Variants in EXT1 observed in about 807,000 individuals in gnomAD.
EXT1 encodes exostosin glycosyltransferase 1.
EXT1 carries 20 observed loss-of-function variants against 82.5 expected under a neutral mutation model. The observed-to-expected ratio is 0.24, with a 90% CI of 0.17 to 0.35. EXT1 has a LOEUF of 0.35. EXT1 is among the 10% of genes least tolerant of loss of function. The pLI is 1.00. For missense variants in EXT1, 757 were observed against 936.5 expected (o/e 0.81, Z 2.50); for synonymous variants, 348 against 350.8 (o/e 0.99, Z 0.09).
At chr8:118,051,200 G>A (rs770674653) in intron 1 of EXT1, among the ~76,000 whole-genome samples, 12 of 152,018 alleles carry the variant, frequency 7.9e-5, no homozygotes, top group East Asian at 1.9e-4. Context: ...GACAGGGCAC[G>A]GTGGCATGCC....
intron 1 of EXT1, among the ~76,000 whole-genome samples, chr8:117,983,629 G>A (rs372261689): frequency 6.6e-6 from 1 of 152,044 alleles, no homozygotes; most frequent in African/African-American, 2.4e-5. Flanking sequence ...ACAAAATAGA[G>A]GCAATCCTAC....
intron 1 of EXT1, among the ~76,000 whole-genome samples, chr8:117,872,229 A>G (rs1210928387): frequency 6.6e-6 from 1 of 152,136 alleles, no homozygotes; most frequent in Non-Finnish European, 1.5e-5. Flanking sequence ...CTGTTTTCCT[A>G]GGGTGGATGA....
intron 4 of EXT1, among the ~76,000 whole-genome samples, chr8:117,822,984 G>A (rs1409676693): frequency 1.3e-5 from 2 of 152,120 alleles, no homozygotes; most frequent in Non-Finnish European, 2.9e-5. Context: ...TGTTCTCAGA[G>A]AACAAGAGAG....
intron 1 of EXT1, among the ~76,000 whole-genome samples, chr8:117,894,122 CCTGA>C (rs1402012822): frequency 6.6e-6 from 1 of 152,104 alleles, no homozygotes; most frequent in Non-Finnish European, 1.5e-5. Context: ...TGCAATAGTT[CCTGA>C]CTAAAATCTG....
intron 1 of EXT1, among the ~76,000 whole-genome samples, chr8:117,968,928 C>T (rs1278578008): frequency 6.6e-6 from 1 of 152,182 alleles, no homozygotes; most frequent in Non-Finnish European, 1.5e-5. Context: ...GTATACAGCT[C>T]TGTCTCTTCC....
At chr8:117,878,431 G>A (rs539383196) in intron 1 of EXT1, among the ~76,000 whole-genome samples, 3 of 152,146 alleles carry the variant, frequency 2.0e-5, no homozygotes, top group African/African-American at 7.2e-5. Context: ...ACATTTCATC[G>A]ACCAAATATT....
intron 1 of EXT1, among the ~76,000 whole-genome samples, chr8:118,086,658 C>T (rs1817424004): frequency 6.6e-6 from 1 of 152,104 alleles, no homozygotes; most frequent in African/African-American, 2.4e-5. Flanking sequence ...AACCGAGAAT[C>T]TTGGTCTATT....
chr8:117,990,251 T>C (rs1398455216), intron 1 of EXT1, among the ~76,000 whole-genome samples: 1 of 152,228 alleles, frequency 6.6e-6, no homozygotes, highest in Non-Finnish European at 1.5e-5. Flanking sequence ...CTTCCTGCCC[T>C]TGAAGACAGA....
chr8:117,973,849 AG>A lies in EXT1; in HGVS notation c.962+136235del, dbSNP rs1332762031. On this transcript the variant is annotated intron_variant, in intron 1 of 10. Transcript: ENST00000378204. ...AGGAAAGGAAAGGAAAGGAAAGGAA[AG>A]GAAAGGAAAGGAAAGGAAAGGAAAG... is the stretch of plus-strand genomic sequence containing the variant. 6.8e-4 allele frequency among the ~76,000 whole-genome samples: 96 copies of A among 141,400 alleles called. 4 individuals carry two copies. The highest frequency in any genetic ancestry group is 7.0e-3 in the Middle Eastern group (2 of 284). 92.8% of individuals were successfully genotyped at this position (141,400 alleles called of 152,430 possible).
chr8:118,032,757 G>A lies in EXT1; in HGVS notation c.962+77328C>T, dbSNP rs111636397. 9.6e-3 allele frequency among the ~76,000 whole-genome samples: 1,463 copies of A among 152,066 alleles called. 20 individuals carry two copies. The highest frequency in any genetic ancestry group is 0.033 in the African/African-American group (1,351 of 41,500). ...ACTCCCGACCTCAGGTGATCTGCCC[G>A]CCTCAGCCTCCCAAAATGCTGGGAT... On this transcript the variant is annotated intron_variant, in intron 1 of 10. Coordinates refer to ENST00000378204, the MANE Select transcript of EXT1 (RefSeq NM_000127.3).
intron 1 of EXT1, among the ~76,000 whole-genome samples, chr8:117,880,442 A>C (rs1293772754): frequency 6.6e-6 from 1 of 152,240 alleles, no homozygotes; most frequent in Non-Finnish European, 1.5e-5. Flanking sequence ...CTGCCTTCAT[A>C]GTATTAAAGG....
chr8:118,060,942 G>A (rs1252713905), intron 1 of EXT1, among the ~76,000 whole-genome samples: 3 of 152,190 alleles, frequency 2.0e-5, no homozygotes, highest in African/African-American at 4.8e-5. Flanking sequence ...TCATGAGATG[G>A]TGAAACCAAA....
intron 1 of EXT1, among the ~76,000 whole-genome samples, chr8:117,928,598 G>T (rs1028041081): frequency 6.6e-6 from 1 of 152,186 alleles, no homozygotes; most frequent in East Asian, 1.9e-4. Context: ...GATAATCACA[G>T]CAATAACATT....
chr8:117,979,875 TAAAC>T (rs954146138), intron 1 of EXT1, among the ~76,000 whole-genome samples: 3 of 152,208 alleles, frequency 2.0e-5, no homozygotes, highest in Non-Finnish European at 1.5e-5. Context: ...AATTACCACT[TAAAC>T]AAATTGTTTT....
chr8:117,899,511 T>C (rs547040142), intron 1 of EXT1, among the ~76,000 whole-genome samples: 2 of 152,366 alleles, frequency 1.3e-5, no homozygotes, highest in African/African-American at 2.4e-5. Context: ...AAAGTCACAA[T>C]GACAGCTTGC....
chr8:117,855,917 G>A (rs1812538695), intron 1 of EXT1, among the ~76,000 whole-genome samples: 1 of 152,132 alleles, frequency 6.6e-6, no homozygotes, highest in Non-Finnish European at 1.5e-5. Context: ...TGATCCACCC[G>A]CCTCGGCCTC....
intron 1 of EXT1, among the ~76,000 whole-genome samples, chr8:117,858,837 G>A (rs1340166964): frequency 3.3e-4 from 18 of 54,930 alleles, no homozygotes; most frequent in African/African-American, 1.1e-3. Flanking sequence ...AGGAAGGAAG[G>A]AAGGAAGGAA....
chr8:117,839,324 T>G (rs17430259), intron 1 of EXT1, among the ~76,000 whole-genome samples: 38,577 of 152,090 alleles, frequency 0.25, 4,948 homozygotes, highest in African/African-American at 0.28. Flanking sequence ...TTTTAATACT[T>G]GATTACTCTT....
chr8:117,864,467 C>T (rs914207489), intron 1 of EXT1, among the ~76,000 whole-genome samples: 2 of 152,090 alleles, frequency 1.3e-5, no homozygotes, highest in Admixed American at 6.6e-5. Flanking sequence ...AAAAAAATCG[C>T]GATCAGGAGC....
Sources: gnomAD v4.1 joint callset for allele counts (sites outside exome capture counted in the v4.1 genomes callset) on GRCh38, gnomAD v4.1.1 for gene constraint, MANE v1.5 for transcripts, NCBI Gene and HGNC (gene_info 2026-07-23, HGNC 2026-07-21) for gene names.